The following TTLL11 variants were observed in gnomAD, a reference collection of about 807,000 sequenced individuals.
TTLL11 encodes tubulin polyglutamylase TTLL11.
A neutral mutation model predicts 51.7 loss-of-function variants in TTLL11; 42 were observed. The observed-to-expected ratio is 0.81, with a 90% confidence interval of 0.64 to 1.05. The LOEUF (loss-of-function observed/expected upper bound fraction) is 1.05. Among genes scored for constraint, TTLL11 ranks in the 50% least tolerant of loss-of-function variants. The probability of loss-of-function intolerance (pLI) is 0.00; values close to 1 mark genes in which losing one functional copy is unlikely to be tolerated. For synonymous variants in TTLL11, 381 were observed against 383.5 expected (o/e 0.99, Z 0.08); for missense variants, 799 against 940.4 (o/e 0.85, Z 1.97).
chr9:121,969,687 T>C (rs1842503364), intron 6 of TTLL11, among the ~76,000 whole-genome samples: 1 of 152,144 alleles, frequency 6.6e-6, no homozygotes, highest in Non-Finnish European at 1.5e-5. Flanking sequence ...CCATTTGTTT[T>C]TTTCAAAAAA....
intron 1 of TTLL11, among the ~76,000 whole-genome samples, chr9:122,087,227 T>G (rs77521986): frequency 1.3e-5 from 2 of 151,508 alleles, no homozygotes; most frequent in African/African-American, 4.9e-5. Flanking sequence ...TTTTTTTTTT[T>G]GAGACAGAGT....
At chr9:122,049,347 G>A (rs1421888507) in intron 1 of TTLL11, among the ~76,000 whole-genome samples, 2 of 152,196 alleles carry the variant, frequency 1.3e-5, no homozygotes, top group African/African-American at 2.4e-5. Flanking sequence ...GCAAATGAGG[G>A]TACCAAGTGC....
intron 7 of TTLL11, among the ~76,000 whole-genome samples, chr9:121,862,760 T>C (rs1313903060): frequency 1.3e-5 from 2 of 152,242 alleles, no homozygotes; most frequent in African/African-American, 2.4e-5. Context: ...CTGAACTACA[T>C]TCAATGCCGC....
At chr9:122,083,711 G>A (rs1167094307) in intron 1 of TTLL11, among the ~76,000 whole-genome samples, 5 of 152,196 alleles carry the variant, frequency 3.3e-5, no homozygotes, top group African/African-American at 1.2e-4. Context: ...TTGGGAGGCT[G>A]AGGCAGGAGA....
At chr9:121,899,353 G>A (rs1362970794) in intron 6 of TTLL11, among the ~76,000 whole-genome samples, 7 of 89,040 alleles carry the variant, frequency 7.9e-5, no homozygotes, top group Admixed American at 1.5e-4. Flanking sequence ...GTGTGTGTGT[G>A]TATGTGTGTG....
At chr9:121,825,635 C>T (rs367937978) in intron 8 of TTLL11, among the ~76,000 whole-genome samples, 1 of 152,128 alleles carries the variant, frequency 6.6e-6, no homozygotes, top group African/African-American at 2.4e-5. Flanking sequence ...CTCCAATCAC[C>T]AGCTTGTTCA....
rs1478465995 is a variant in TTLL11 at position 122,011,440 on chromosome 9, C to A, written c.693+20283G>T. The stretch of plus-strand genomic sequence containing the variant: ...AATGTATTCACGATTATAGCCAGAG[C>A]ATGTGATGTATGCCCCATAACTAGT... On this transcript the variant is annotated intron_variant, in intron 3 of 8. Coordinates refer to ENST00000321582, the MANE Select transcript of TTLL11 (RefSeq NM_001139442.2). Among the ~76,000 whole-genome samples, 3 of 152,054 alleles carry A rather than the reference C, an allele frequency of 2.0e-5. No individual in the cohort carries two copies. The East Asian group carries it at 5.8e-4, about 29-fold the overall frequency.
intron 5 of TTLL11, 148 bp downstream of exon 5, chr9:121,974,736 C>A: frequency 1.5e-6 from 1 of 668,822 alleles, no homozygotes. Flanking sequence ...ATGTTGAGAA[C>A]TCAACAAAAC....
intron 1 of TTLL11, among the ~76,000 whole-genome samples, chr9:122,039,608 T>A (rs1248297104): frequency 1.3e-5 from 2 of 152,214 alleles, no homozygotes; most frequent in African/African-American, 4.8e-5. Context: ...ACTACACTCC[T>A]GGCTTTGCAG....
intron 3 of TTLL11, among the ~76,000 whole-genome samples, chr9:122,010,362 A>G (rs1388881481): frequency 6.6e-6 from 1 of 152,232 alleles, no homozygotes; most frequent in African/African-American, 2.4e-5. Flanking sequence ...AGCCTCCTCA[A>G]TGAAGTGAGA....
chr9:121,827,923 C>G (rs4837898), intron 8 of TTLL11, among the ~76,000 whole-genome samples: 42,188 of 151,628 alleles, frequency 0.28, 6,460 homozygotes, highest in East Asian at 0.48. Context: ...ACTGTCCCCT[C>G]TGGCTGCAGT....
At chr9:121,825,064 A>C (rs1317897148) in intron 8 of TTLL11, among the ~76,000 whole-genome samples, 1 of 152,210 alleles carries the variant, frequency 6.6e-6, no homozygotes, top group East Asian at 1.9e-4. Flanking sequence ...GTTTTACACC[A>C]GGGTTACTTT....
chr9:121,979,830 C>G (rs1263120713), intron 4 of TTLL11, among the ~76,000 whole-genome samples: 1 of 152,164 alleles, frequency 6.6e-6, no homozygotes, highest in African/African-American at 2.4e-5. Flanking sequence ...CATCTGTCAA[C>G]ACTCCAGCTT....
intron 1 of TTLL11, among the ~76,000 whole-genome samples, chr9:122,062,250 C>A (rs1467777140): frequency 1.3e-5 from 2 of 152,118 alleles, no homozygotes; most frequent in Non-Finnish European, 2.9e-5. Flanking sequence ...TGCTATTCAC[C>A]ACATCACACA....
At chr9:121,940,299 C>T (rs1588141336) in intron 6 of TTLL11, among the ~76,000 whole-genome samples, 1 of 152,190 alleles carries the variant, frequency 6.6e-6, no homozygotes, top group South Asian at 2.1e-4. Flanking sequence ...CTCTCTCTCT[C>T]CCTCCCTTGG....
intron 3 of TTLL11, among the ~76,000 whole-genome samples, chr9:122,025,043 A>C (rs916962821): frequency 1.3e-5 from 2 of 152,178 alleles, no homozygotes; most frequent in African/African-American, 2.4e-5. Flanking sequence ...AAATTAAAAA[A>C]TAAAAAAAGG....
At chr9:122,047,238 T>A (rs1318042188) in intron 1 of TTLL11, among the ~76,000 whole-genome samples, 2 of 152,168 alleles carry the variant, frequency 1.3e-5, no homozygotes. Flanking sequence ...TATCCCAGTT[T>A]GGGCAATAAA....
At chr9:121,972,520 A>T (rs1842604493) in intron 6 of TTLL11, among the ~76,000 whole-genome samples, 1 of 152,350 alleles carries the variant, frequency 6.6e-6, no homozygotes, top group Middle Eastern at 3.4e-3. Flanking sequence ...ACAGGTAAAC[A>T]TTCTCAGCCG....
chr9:122,008,002 A>C (rs143424794), intron 3 of TTLL11, among the ~76,000 whole-genome samples: 1 of 152,314 alleles, frequency 6.6e-6, no homozygotes, highest in East Asian at 1.9e-4. Context: ...CCACGAGAAA[A>C]ACACAATGTT....
Sources: gnomAD v4.1 joint callset for allele counts (sites outside exome capture counted in the v4.1 genomes callset) on GRCh38, gnomAD v4.1.1 for gene constraint, MANE v1.5 for transcripts, NCBI Gene and HGNC (gene_info 2026-07-23, HGNC 2026-07-21) for gene names.